GPC5: variants seen among roughly 807,000 people sequenced by gnomAD.
GPC5 encodes glypican-5.
Under a neutral mutation model 53.9 loss-of-function variants are expected in GPC5, and 47 were observed. The observed-to-expected ratio is 0.87, with a 90% CI of 0.69 to 1.11. The LOEUF is 1.11. Among genes scored for constraint, GPC5 ranks in the 50% most tolerant of loss-of-function variants. GPC5 has a pLI of 0.00. For synonymous variants in GPC5, 286 were observed against 263.3 expected (o/e 1.09, Z -0.84); for missense variants, 748 against 713.1 (o/e 1.05, Z -0.56).
chr13:92,711,858 A>G (rs965916665), intron 7 of GPC5, among the ~76,000 whole-genome samples: 6 of 152,048 alleles, frequency 3.9e-5, no homozygotes, highest in Non-Finnish European at 5.9e-5. Flanking sequence ...AGAGAAAAAA[A>G]TAGTAATTAC....
At chr13:92,480,979 C>T (rs1245636824) in intron 7 of GPC5, among the ~76,000 whole-genome samples, 1 of 152,188 alleles carries the variant, frequency 6.6e-6, no homozygotes, top group Non-Finnish European at 1.5e-5. Context: ...ATGAGTGCCT[C>T]TTGAAGTTGG....
intron 2 of GPC5, among the ~76,000 whole-genome samples, chr13:91,571,826 T>TAC (rs1353602496): frequency 7.2e-5 from 7 of 97,610 alleles, no homozygotes; most frequent in African/African-American, 3.6e-4. Flanking sequence ...TGTGTGTATA[T>TAC]ATACACATAT....
chr13:91,676,291 G>A (rs1230320236), intron 2 of GPC5, among the ~76,000 whole-genome samples: 2 of 152,102 alleles, frequency 1.3e-5, no homozygotes, highest in Non-Finnish European at 2.9e-5. Context: ...GGCTGGTCTT[G>A]AACTCCTGGG....
At chr13:92,542,666 G>T (rs1294786190) in intron 7 of GPC5, among the ~76,000 whole-genome samples, 1 of 151,916 alleles carries the variant, frequency 6.6e-6, no homozygotes, top group African/African-American at 2.4e-5. Flanking sequence ...TTCTTGTACG[G>T]CAAACCTACT....
chr13:92,399,399 A>T (rs1475358784), intron 7 of GPC5, among the ~76,000 whole-genome samples: 1 of 152,216 alleles, frequency 6.6e-6, no homozygotes, highest in East Asian at 1.9e-4. Context: ...GTCCCTTCAT[A>T]GAAATCAAAT....
At chr13:91,878,607 T>C (rs999929177) in intron 5 of GPC5, among the ~76,000 whole-genome samples, 1 of 151,974 alleles carries the variant, frequency 6.6e-6, no homozygotes, top group Admixed American at 6.6e-5. Context: ...ATCATGGGGG[T>C]GGTTGTCCCT....
In GPC5 at chr13:92,429,805, T is replaced by G. The variant is rs79334202; in HGVS notation, c.1561+284816T>G. ...TATGCAATGAAATATTTTGTAATCA[T>G]TAAGAATTACTGGGAGCGTAATACT... On this transcript the variant is annotated intron_variant, in intron 7 of 7. Transcript: ENST00000377067. Among the ~76,000 whole-genome samples, 40 of 152,242 alleles carry G rather than the reference T, an allele frequency of 2.6e-4. No individual in the cohort carries two copies. In the East Asian group the frequency reaches 5.0e-3, roughly 19 times the overall value.
chr13:92,250,002 T>C (rs748238010), intron 7 of GPC5, among the ~76,000 whole-genome samples: 7 of 143,590 alleles, frequency 4.9e-5, no homozygotes, highest in Non-Finnish European at 1.0e-4. Flanking sequence ...AACTCAGTTA[T>C]AAATATACAG....
intron 7 of GPC5, among the ~76,000 whole-genome samples, chr13:92,251,928 T>A (rs1594038231): frequency 6.6e-6 from 1 of 152,108 alleles, no homozygotes; most frequent in African/African-American, 2.4e-5. Context: ...CAAGGATAAA[T>A]GTAGTTAGAA....
intron 6 of GPC5, among the ~76,000 whole-genome samples, chr13:91,923,620 T>A (rs1203210306): frequency 6.6e-6 from 1 of 152,238 alleles, no homozygotes; most frequent in Non-Finnish European, 1.5e-5. Context: ...TTGATGTGAT[T>A]GAAACTTAAG....
chr13:91,484,776 G>T (rs1660286310), intron 2 of GPC5, among the ~76,000 whole-genome samples: 1 of 152,072 alleles, frequency 6.6e-6, no homozygotes, highest in Non-Finnish European at 1.5e-5. Context: ...CTCAAAGAAA[G>T]CCCTCTAGAA....
At chr13:91,565,403 T>G (rs2138950953) in intron 2 of GPC5, among the ~76,000 whole-genome samples, 1 of 152,246 alleles carries the variant, frequency 6.6e-6, no homozygotes, top group Admixed American at 6.5e-5. Flanking sequence ...TTAGAGAAAG[T>G]TTGGAATTTA....
intron 5 of GPC5, among the ~76,000 whole-genome samples, chr13:91,835,868 G>C (rs1161864441): frequency 6.6e-6 from 1 of 151,932 alleles, no homozygotes; most frequent in Non-Finnish European, 1.5e-5. Context: ...AGGTACCCTA[G>C]AACTTAAAGT....
intron 7 of GPC5, among the ~76,000 whole-genome samples, chr13:92,635,128 T>C (rs1207360501): frequency 2.0e-5 from 3 of 152,138 alleles, no homozygotes; most frequent in Non-Finnish European, 4.4e-5. Flanking sequence ...TTTTCTGTTT[T>C]CTTATTACAT....
At chr13:92,126,888 G>T (rs1032027573) in intron 6 of GPC5, among the ~76,000 whole-genome samples, 4 of 151,982 alleles carry the variant, frequency 2.6e-5, no homozygotes, top group African/African-American at 9.7e-5. Flanking sequence ...TAAATGCAGG[G>T]TACAATATAG....
chr13:91,836,645 A>G (rs1237724973), intron 5 of GPC5, among the ~76,000 whole-genome samples: 2 of 152,036 alleles, frequency 1.3e-5, no homozygotes, highest in East Asian at 1.9e-4. Context: ...GCACTTTTAA[A>G]TATCATCTGA....
intron 4 of GPC5, among the ~76,000 whole-genome samples, chr13:91,740,275 T>C (rs2036903135): frequency 6.6e-6 from 1 of 152,168 alleles, no homozygotes; most frequent in African/African-American, 2.4e-5. Context: ...TACAGTATCC[T>C]CTCCTTAGGA....
At chr13:91,428,654 C>T (rs867972515) in intron 1 of GPC5, among the ~76,000 whole-genome samples, 5 of 152,242 alleles carry the variant, frequency 3.3e-5, no homozygotes, top group East Asian at 1.9e-4. Flanking sequence ...TGCCTCCTAT[C>T]GCTATCACTA....
intron 7 of GPC5, among the ~76,000 whole-genome samples, chr13:92,445,675 A>G (rs574796944): frequency 2.0e-4 from 31 of 151,770 alleles, no homozygotes; most frequent in African/African-American, 6.5e-4. Context: ...ATAGTATTCC[A>G]TGGTGTATAT....
Sources: allele counts gnomAD v4.1 joint callset (sites outside exome capture counted in the v4.1 genomes callset), GRCh38; gene constraint gnomAD v4.1.1; transcripts MANE v1.5; gene names NCBI Gene and HGNC (gene_info 2026-07-23, HGNC 2026-07-21).